The following SH3BP2 variants were observed in gnomAD, a reference collection of about 807,000 sequenced individuals.
The protein encoded by SH3BP2 is SH3 domain-binding protein 2.
Under a neutral mutation model 56.2 loss-of-function variants are expected in SH3BP2, and 38 were observed. The observed-to-expected ratio is 0.68, with a 90% CI of 0.52 to 0.89. The LOEUF (loss-of-function observed/expected upper bound fraction) is 0.89. SH3BP2 is among the 40% of genes least tolerant of loss of function. The pLI is 0.00. For synonymous variants in SH3BP2, 346 were observed against 316.7 expected (o/e 1.09, Z -0.98); for missense variants, 748 against 762.6 (o/e 0.98, Z 0.23).
At chr4:2,809,957 C>T (rs535224270) in intron 1 of SH3BP2, 271 of 317,224 alleles carry the variant, frequency 8.5e-4, no homozygotes, top group South Asian at 3.6e-3. Context: ...CCCATTGAGG[C>T]GGCCCCGGCC....
intron 2 of SH3BP2, 125 bp downstream of exon 2, chr4:2,820,878 C>G: frequency 8.7e-7 from 1 of 1,150,732 alleles, no homozygotes; most frequent in South Asian, 1.6e-5. Context: ...TTCCCATTCC[C>G]TCTCTGGTGG....
At chr4:2,817,664 T>A (rs993958383) in intron 1 of SH3BP2, among the ~76,000 whole-genome samples, 1 of 152,098 alleles carries the variant, frequency 6.6e-6, no homozygotes, top group Non-Finnish European at 1.5e-5. Context: ...GTGAGGTGCC[T>A]GCGTTTGGGC....
chr4:2,823,384 C>T (rs775203633), intron 3 of SH3BP2: 1 of 472,572 alleles, frequency 2.1e-6, no homozygotes, highest in South Asian at 1.5e-5. Flanking sequence ...CCCACCATGA[C>T]CTCTTTCCAG....
chr4:2,830,717 C>G (rs973302486), intron 8 of SH3BP2, among the ~76,000 whole-genome samples: 2 of 152,240 alleles, frequency 1.3e-5, no homozygotes, highest in East Asian at 1.9e-4. Flanking sequence ...TTGTCCCCCA[C>G]TCCCACAGAG....
At chr4:2,818,668 G>C (rs1315942150) in intron 1 of SH3BP2, 23 of 983,900 alleles carry the variant, frequency 2.3e-5, no homozygotes, top group Non-Finnish European at 2.8e-5. Flanking sequence ...CCTTCGGGCC[G>C]GGCGCGGTTG....
chr4:2,796,159 A>G (rs1315597605), intron 1 of SH3BP2, among the ~76,000 whole-genome samples: 5 of 152,092 alleles, frequency 3.3e-5, no homozygotes, highest in African/African-American at 1.2e-4. Flanking sequence ...GATCTGCAAA[A>G]CGGGATGACA....
intron 5 of SH3BP2, among the ~76,000 whole-genome samples, chr4:2,825,974 G>A (rs1724592269): frequency 6.6e-6 from 1 of 152,248 alleles, no homozygotes; most frequent in Admixed American, 6.5e-5. Flanking sequence ...CACAGGTGGG[G>A]ACAGGAGGCC....
In SH3BP2 at chr4:2,823,897, G is replaced by A. The variant is rs188772838; in HGVS notation, c.240-716G>A. On this transcript the variant is annotated intron_variant, in intron 3 of 12. Transcript: ENST00000503393. Reference sequence around the variant, plus strand: ...ACCCAGCCTGGTGCCAGGCCCCCATGCTGGCACAGAGCTCCGGGGTCCCCT... The same window carrying A: ...ACCCAGCCTGGTGCCAGGCCCCCATACTGGCACAGAGCTCCGGGGTCCCCT... 6.6e-4 allele frequency among the ~76,000 whole-genome samples: 101 copies of A among 152,322 alleles called. No individual in the cohort carries two copies. In the Middle Eastern group the frequency reaches 0.02, roughly 31 times the overall value.
chr4:2,827,090 T>A (rs1386315665), intron 5 of SH3BP2, 140 bp from the exon 6 acceptor site: 1 of 723,982 alleles, frequency 1.4e-6, no homozygotes, highest in Non-Finnish European at 2.5e-6. Flanking sequence ...CATGTGTGCA[T>A]GTGTTTGTCA....
chr4:2,814,202 G>T (rs1352994827), intron 1 of SH3BP2, among the ~76,000 whole-genome samples: 2 of 152,236 alleles, frequency 1.3e-5, no homozygotes, highest in Non-Finnish European at 2.9e-5. Context: ...CATTAACTGG[G>T]TGTGCAGAGA....
In SH3BP2 at chr4:2,810,489, C is replaced by G. The variant is rs557521199; in HGVS notation, c.-4-10125C>G. Among the ~76,000 whole-genome samples the G allele has an allele frequency of 6.6e-6, 1 of 151,992 alleles. No individual in the cohort carries two copies. The highest frequency in any genetic ancestry group is 2.1e-4 in the South Asian group (1 of 4,822). On this transcript the variant is annotated intron_variant, in intron 1 of 12. Coordinates refer to ENST00000503393, the MANE Select transcript of SH3BP2 (RefSeq NM_001122681.2). This position sits in a 1 kb window ranked among gnomAD's most constrained non-coding sequence, Gnocchi z 4.2. Reference sequence around the variant, plus strand: ...CTGCTTCCAGCTCAGGCCTTGTCCGCTCTTGCATTTGCCTGCCCAGTAAGG... The same window carrying G: ...CTGCTTCCAGCTCAGGCCTTGTCCGGTCTTGCATTTGCCTGCCCAGTAAGG...
At chr4:2,811,045 A>G (rs1455260962) in intron 1 of SH3BP2, among the ~76,000 whole-genome samples, 1 of 152,200 alleles carries the variant, frequency 6.6e-6, no homozygotes, top group East Asian at 1.9e-4. Context: ...CATGCTAAGG[A>G]GGCCCCAGAC....
At chr4:2,796,596 G>A (rs1225420211) in intron 1 of SH3BP2, 1 of 352,744 alleles carries the variant, frequency 2.8e-6, no homozygotes, top group East Asian at 1.7e-4. Context: ...GGAGCCCTGA[G>A]GGGTTGGCAG....
In SH3BP2 at chr4:2,827,592, C is replaced by G. The variant is rs754011685; in HGVS notation, c.518-14C>G. The G allele has an allele frequency of 1.9e-6, 3 of 1,583,182 alleles. No individual in the cohort carries two copies. Among genetic ancestry groups the G allele is most frequent in the African/African-American group, 1.3e-5 (1 of 74,352 alleles). On this transcript the variant is annotated splice_polypyrimidine_tract_variant and intron_variant, in intron 6 of 12. Coordinates refer to ENST00000503393, the MANE Select transcript of SH3BP2 (RefSeq NM_001122681.2). The stretch of plus-strand genomic sequence containing the variant: ...GGCCGGTTTGGCTCTCACCACCCCC[C>G]TCTCCCCATGCAGACTATGAGCACG...
At chr4:2,817,785 C>T (rs1724065287) in intron 1 of SH3BP2, 1 of 152,216 alleles carries the variant, frequency 6.6e-6, no homozygotes, top group South Asian at 2.1e-4. Flanking sequence ...GGGCACGTGC[C>T]CGATCCCTTG....
intron 1 of SH3BP2, among the ~76,000 whole-genome samples, chr4:2,801,112 G>T (rs373775279): frequency 4.6e-5 from 7 of 152,310 alleles, no homozygotes; most frequent in East Asian, 3.9e-4. Context: ...TGTCTTGACC[G>T]CGGAGGACCG....
chr4:2,839,068 T>C lies in SH3BP2; in HGVS notation c.*5234T>C, dbSNP rs541737673. ...TGCATTTAGCTAATTACCAAGGAGA[T>C]TGAGCATATTTTTATGTTTTTATTA... On this transcript the variant is annotated 3_prime_UTR_variant, in exon 13 of 13. Coordinates refer to ENST00000503393, the MANE Select transcript of SH3BP2 (RefSeq NM_001122681.2). 2.6e-5 allele frequency: 4 copies of C among 152,344 alleles called. No individual in the cohort carries two copies. Among genetic ancestry groups the C allele is most frequent in the South Asian group, 4.1e-4 (2 of 4,832 alleles). 9.4% of individuals were successfully genotyped at this position (152,344 alleles called of 1,614,324 possible). A position where few individuals can be genotyped will look rare whatever the true frequency, so the allele number is the denominator to read the frequency against.
chr4:2,798,237 G>C (rs1041147167), intron 1 of SH3BP2, among the ~76,000 whole-genome samples: 1 of 152,222 alleles, frequency 6.6e-6, no homozygotes, highest in African/African-American at 2.4e-5. Flanking sequence ...CTGAACGAAA[G>C]TGCTTTCTTT....
chr4:2,826,737 T>C (rs1577362880), intron 5 of SH3BP2: 1 of 368,080 alleles, frequency 2.7e-6, no homozygotes, highest in Admixed American at 3.4e-5. Context: ...TGTGTGTGCA[T>C]GTCCGCGTGT....
Sources: allele counts gnomAD v4.1 joint callset (sites outside exome capture counted in the v4.1 genomes callset), GRCh38; gene constraint gnomAD v4.1.1; non-coding constraint Gnocchi (gnomAD v3.1); transcripts MANE v1.5; gene names NCBI Gene and HGNC (gene_info 2026-07-23, HGNC 2026-07-21).